The following FLT3 variants were observed in gnomAD, a reference collection of about 807,000 sequenced individuals.
FLT3 encodes fms related receptor tyrosine kinase 3.
A neutral mutation model predicts 126.6 loss-of-function variants in FLT3; 46 were observed. That is an observed-to-expected ratio of 0.36 (90% CI 0.29 to 0.46). FLT3 has a LOEUF of 0.46. Among genes scored for constraint, FLT3 ranks in the 20% least tolerant of loss-of-function variants. FLT3 has a pLI of 1.00. For missense variants in FLT3, 1,069 were observed against 1,190.3 expected (o/e 0.90, Z 1.50); for synonymous variants, 404 against 434.4 (o/e 0.93, Z 0.87).
intron 4 of FLT3, among the ~76,000 whole-genome samples, 166 bp downstream of exon 4, chr13:28,057,181 C>T (rs376652035): frequency 2.0e-5 from 3 of 152,162 alleles, no homozygotes; most frequent in Non-Finnish European, 4.4e-5. Flanking sequence ...ATTCTCAGTT[C>T]TCTATAGGTT....
rs140123333 is a variant in FLT3, at chr13:28,004,084, G to A, written c.2950C>T (p.Leu984Phe). The A allele has an allele frequency of 1.4e-4, 222 of 1,614,016 alleles. No individual in the cohort carries two copies. The highest frequency in any genetic ancestry group is 1.7e-4 in the Non-Finnish European group (198 of 1,180,038). ...PFSREMDLGL[L>F]SPQAQVEDS ...TCTTCGACCTGAGCCTGCGGAGAGA[G>A]TAGCCCCAAATCCATCTCTCTGCTG... is the stretch of plus-strand genomic sequence containing the variant. The change falls in exon 24 of 24, where the codon CTC becomes TTC. Residue 984 changes from leucine to phenylalanine, a missense_variant. Coordinates refer to ENST00000241453, the MANE Select transcript of FLT3 (RefSeq NM_004119.3).
At chr13:28,075,801 AT>A (rs34694672) in intron 1 of FLT3, among the ~76,000 whole-genome samples, 15 of 146,204 alleles carry the variant, frequency 1.0e-4, no homozygotes, top group African/African-American at 2.3e-4. Context: ...TCTCTTAGCA[AT>A]TTTTTTTTTT....
chr13:28,052,696 A>C (rs190978830), intron 4 of FLT3, 22 bp from the exon 5 acceptor site: 2 of 1,501,948 alleles, frequency 1.3e-6, no homozygotes, highest in Non-Finnish European at 1.8e-6. Flanking sequence ...TAAGTTATTA[A>C]CATTTTACTA....
chr13:28,075,793 T>C (rs553518191), intron 1 of FLT3, among the ~76,000 whole-genome samples: 5 of 110,202 alleles, frequency 4.5e-5, no homozygotes, highest in Admixed American at 3.5e-4. Flanking sequence ...AAACCTACTC[T>C]CTTAGCAATT....
At chr13:28,006,728 CTTTTT>C (rs753656559) in intron 23 of FLT3, among the ~76,000 whole-genome samples, 1 of 132,884 alleles carries the variant, frequency 7.5e-6, no homozygotes, top group Admixed American at 7.8e-5. Flanking sequence ...CCTTTCTTTC[CTTTTT>C]TTTTTTTTTT....
rs2137622433 is a variant in FLT3, at chr13:28,018,457, G to C, written c.2541+10C>G. On this transcript the variant is annotated intron_variant, in intron 20 of 23. Transcript: ENST00000241453. Reference sequence around the variant, plus strand: ...GCCGTATAAAAATAAGTAGGAAATAGCAGCCTCACATTGCCCCTGACAACA... The same window carrying C: ...GCCGTATAAAAATAAGTAGGAAATACCAGCCTCACATTGCCCCTGACAACA... The C allele has an allele frequency of 6.2e-7, 1 of 1,613,634 alleles. No individual in the cohort carries two copies. The highest frequency in any genetic ancestry group is 8.5e-7 in the Non-Finnish European group (1 of 1,179,662).
intron 19 of FLT3, among the ~76,000 whole-genome samples, chr13:28,022,145 C>G (rs1872450995): frequency 6.6e-6 from 1 of 152,118 alleles, no homozygotes; most frequent in Non-Finnish European, 1.5e-5. Context: ...TCAAGCAATC[C>G]TCCCACCTTG....
At chr13:28,077,448 G>A (rs950489877) in intron 1 of FLT3, among the ~76,000 whole-genome samples, 5 of 152,206 alleles carry the variant, frequency 3.3e-5, no homozygotes, top group African/African-American at 9.6e-5. Flanking sequence ...ATCAGATCTC[G>A]TGAGACTTAT....
chr13:28,056,056 G>A (rs563846144), intron 4 of FLT3, among the ~76,000 whole-genome samples: 17 of 152,082 alleles, frequency 1.1e-4, no homozygotes, highest in Non-Finnish European at 2.2e-4. Context: ...TACCTTACAG[G>A]CTGACTTTAG....
At chr13:28,060,475 AAAAAAG>A (rs1487577581) in intron 3 of FLT3, among the ~76,000 whole-genome samples, 4 of 151,196 alleles carry the variant, frequency 2.6e-5, no homozygotes, top group African/African-American at 7.3e-5. Context: ...TTAAAAAAAA[AAAAAAG>A]AAAAAGGAAA....
chr13:28,033,030 C>A (rs770490219), intron 15 of FLT3, among the ~76,000 whole-genome samples: 5 of 152,028 alleles, frequency 3.3e-5, no homozygotes, highest in Non-Finnish European at 7.4e-5. Flanking sequence ...CCAGTTTTCT[C>A]TCCTACCCAG....
intron 23 of FLT3, 57 bp downstream of exon 23, chr13:28,014,395 T>A: frequency 8.3e-7 from 1 of 1,208,602 alleles, no homozygotes; most frequent in Non-Finnish European, 1.2e-6. Flanking sequence ...CAGCAACAAG[T>A]GTTTTAATTT....
rs765606901 is a variant in FLT3, at chr13:28,028,158, T to G, written c.2053+20A>C. 8.1e-6 allele frequency: 10 copies of G among 1,236,348 alleles called. No homozygotes were observed. Among genetic ancestry groups the G allele is most frequent in the Non-Finnish European group, 1.2e-5 (10 of 836,170 alleles). The allele number at this position is 1,236,348 out of a possible 1,614,324, so 76.6% of individuals were successfully genotyped here. On this transcript the variant is annotated intron_variant, in intron 16 of 23. Transcript: ENST00000241453. ...AGCTACAGTCTTTTTGATGAGGTGA[T>G]TTTCGTGGAAGTGGGTTACCTGACA...
chr13:28,063,248 GT>G, intron 2 of FLT3, among the ~76,000 whole-genome samples: 1 of 152,264 alleles, frequency 6.6e-6, no homozygotes, highest in East Asian at 1.9e-4. Flanking sequence ...GGAGGCTGAA[GT>G]GGGCAGATCA....
At chr13:28,023,518 A>G in intron 18 of FLT3, 41 bp from the exon 19 acceptor site, 6 of 1,608,602 alleles carry the variant, frequency 3.7e-6, no homozygotes, top group Non-Finnish European at 5.1e-6. Context: ...CAAAACTCTA[A>G]GAAGTTGCCT....
chr13:28,014,668 G>A, intron 22 of FLT3, 111 bp from the exon 23 acceptor site: 1 of 716,682 alleles, frequency 1.4e-6, no homozygotes. Context: ...CTTATTTACA[G>A]CATGTTTGTT....
intron 1 of FLT3, among the ~76,000 whole-genome samples, chr13:28,071,287 G>C (rs1877498330): frequency 6.6e-6 from 1 of 151,898 alleles, no homozygotes; most frequent in Non-Finnish European, 1.5e-5. Context: ...TGGGATTACA[G>C]GTGTAAGCCA....
chr13:28,072,607 G>A (rs1252288215), intron 1 of FLT3, among the ~76,000 whole-genome samples: 3 of 152,144 alleles, frequency 2.0e-5, no homozygotes, highest in Admixed American at 1.3e-4. Context: ...TGCTGGCCAG[G>A]CTAGTCTCAA....
At chr13:28,077,042 AG>A in intron 1 of FLT3, among the ~76,000 whole-genome samples, 1 of 149,842 alleles carries the variant, frequency 6.7e-6, no homozygotes, top group African/African-American at 2.5e-5. Flanking sequence ...AGAGAGAGAG[AG>A]AGGAAGGAAG....
Sources: gnomAD v4.1 joint callset for allele counts (sites outside exome capture counted in the v4.1 genomes callset) on GRCh38, gnomAD v4.1.1 for gene constraint, MANE v1.5 for transcripts, NCBI Gene and HGNC (gene_info 2026-07-23, HGNC 2026-07-21) for gene names.